CUL9: variants seen among roughly 807,000 people sequenced by gnomAD.
CUL9 encodes the protein cullin 9.
CUL9 carries 79 observed loss-of-function variants against 272.6 expected under a neutral mutation model. The observed-to-expected ratio is 0.29, with a 90% CI of 0.24 to 0.35. CUL9 has a LOEUF of 0.35. Among genes scored for constraint, CUL9 ranks in the 10% least tolerant of loss-of-function variants. The pLI is 1.00. For missense variants in CUL9, 2,532 were observed against 3,255.6 expected, an observed-to-expected ratio of 0.78 and a Z score of 5.41; for synonymous variants, 1,186 against 1,286.5, an observed-to-expected ratio of 0.92 and a Z score of 1.67.
Position 43,221,251 on chromosome 6 carries a change from C to G in CUL9, c.6682C>G (p.Leu2228Val), listed in dbSNP as rs1320900866. 2 of 1,611,714 alleles carry G rather than the reference C, an allele frequency of 1.2e-6. No homozygotes were observed. Among genetic ancestry groups the G allele is most frequent in the East Asian group, 2.2e-5 (1 of 44,878 alleles). ...GMSVEAQSKHLAKLISKRCPS... is the reference protein window; with the variant it reads ...GMSVEAQSKHVAKLISKRCPS... ...GAGCGTGGAGGCGCAGAGCAAGCAC[C>G]TGGCCAAGCTCATCTCCAAGCGCTG... Residue 2228 changes from leucine to valine, a missense_variant, in exon 34 of 41, where the codon CTG (leucine) becomes GTG (valine). This residue lies in a region of CUL9 where 77 missense variants were observed against 161.1 expected (regional missense o/e 0.48). Coordinates refer to ENST00000252050, the MANE Select transcript of CUL9 (RefSeq NM_015089.4). This position sits in a 1 kb window ranked among gnomAD's most constrained non-coding sequence, Gnocchi z 4.2.
intron 16 of CUL9, 27 bp from the exon 17 acceptor site, chr6:43,202,689 T>G: frequency 6.2e-7 from 1 of 1,605,090 alleles, no homozygotes; most frequent in Non-Finnish European, 8.5e-7. Context: ...AGGCCCAGCT[T>G]TGACTGTTTC....
chr6:43,191,252 TTGTG>T lies in CUL9; in HGVS notation c.2181-1712_2181-1709del, dbSNP rs58122260. 6.6e-3 allele frequency among the ~76,000 whole-genome samples: 840 copies of T among 127,010 alleles called. 6 individuals are homozygous for T. The highest frequency in any genetic ancestry group is 0.04 in the South Asian group (156 of 3,876). The allele number at this position is 127,010 out of a possible 152,430, so 83.3% of individuals were successfully genotyped here. On this transcript the variant is annotated intron_variant, in intron 8 of 40. Transcript: ENST00000252050. ...GATAGCCAGGTGTCTCTAAATTGCA[TTGTG>T]TGTGTGTGTGTGTGTGTGTGTGTGT...
In CUL9 at chr6:43,223,237, G is replaced by A. The variant is rs759794991; in HGVS notation, c.7151-27G>A. 1 of 1,574,380 alleles carries A rather than the reference G, an allele frequency of 6.4e-7. No homozygotes were observed. Among genetic ancestry groups the A allele is most frequent in the South Asian group, 1.2e-5 (1 of 86,598 alleles). On this transcript the variant is annotated intron_variant, in intron 38 of 40. Coordinates refer to ENST00000252050, the MANE Select transcript of CUL9 (RefSeq NM_015089.4). This position sits in a 1 kb window ranked among gnomAD's most constrained non-coding sequence, Gnocchi z 4.1. ...GAATGGATGAGAATGAGAAGGGAGG[G>A]AGCCTCTGTGCCTGCCCCCTCTGCA...
intron 11 of CUL9, among the ~76,000 whole-genome samples, chr6:43,197,686 G>C (rs556666612): frequency 1.3e-5 from 2 of 152,032 alleles, no homozygotes; most frequent in African/African-American, 4.8e-5. Flanking sequence ...GTTTCACCAT[G>C]TTGGTCAGGC....
chr6:43,205,948 G>A, intron 24 of CUL9, 59 bp from the exon 25 acceptor site: 2 of 1,484,144 alleles, frequency 1.3e-6, no homozygotes, highest in East Asian at 2.3e-5. Flanking sequence ...TTCTCGAGGG[G>A]GAGGCTGGGC....
intron 31 of CUL9, among the ~76,000 whole-genome samples, chr6:43,216,724 C>A (rs1343198012): frequency 6.6e-6 from 1 of 152,186 alleles, no homozygotes; most frequent in Non-Finnish European, 1.5e-5. Flanking sequence ...CGATATATAC[C>A]AATGGTGCTC....
intron 30 of CUL9, among the ~76,000 whole-genome samples, 157 bp from the exon 31 acceptor site, chr6:43,216,001 G>A (rs1039091028): frequency 1.3e-5 from 2 of 152,242 alleles, no homozygotes; most frequent in African/African-American, 4.8e-5. Context: ...TTCTGTGGAG[G>A]ATCTGCTCTG....
intron 8 of CUL9, among the ~76,000 whole-genome samples, chr6:43,190,155 T>C (rs1773322701): frequency 6.6e-6 from 1 of 152,224 alleles, no homozygotes; most frequent in African/African-American, 2.4e-5. Context: ...TTCTAACGCG[T>C]CTGTTTTTCC....
intron 26 of CUL9, chr6:43,212,876 A>C: frequency 2.6e-6 from 1 of 381,708 alleles, no homozygotes; most frequent in Non-Finnish European, 4.7e-6. Context: ...GCAAAATGCA[A>C]GTGTTTTCTC....
chr6:43,191,934 A>G (rs1773557812), intron 8 of CUL9, among the ~76,000 whole-genome samples: 1 of 149,882 alleles, frequency 6.7e-6, no homozygotes, highest in South Asian at 2.1e-4. Context: ...GCTGGCTTAT[A>G]CACCACCCTT....
intron 26 of CUL9, among the ~76,000 whole-genome samples, chr6:43,211,329 G>A (rs1013240362): frequency 7.0e-4 from 107 of 152,012 alleles, no homozygotes; most frequent in African/African-American, 2.4e-3. Flanking sequence ...AGGCTGAGGC[G>A]GACAGAGCAC....
chr6:43,189,241 G>A (rs1201133295), intron 8 of CUL9, among the ~76,000 whole-genome samples: 1 of 151,250 alleles, frequency 6.6e-6, no homozygotes, highest in East Asian at 1.9e-4. Flanking sequence ...TCATGCTGGA[G>A]TGCAGTGGCG....
chr6:43,222,252 C>A, intron 35 of CUL9, 64 bp from the exon 36 acceptor site: 1 of 1,364,680 alleles, frequency 7.3e-7, no homozygotes. Flanking sequence ...TTGGCTTTTC[C>A]ACTTATTAAC....
In CUL9 at chr6:43,224,381, A is replaced by C; in HGVS notation, c.7490A>C (p.Asn2497Thr). The change falls in exon 41 of 41, where the codon AAC (asparagine) becomes ACC (threonine). Residue 2497 changes from asparagine to threonine, a missense_variant. Asn to Thr is a moderately conservative substitution (Grantham distance 65). Coordinates refer to ENST00000252050, the MANE Select transcript of CUL9 (RefSeq NM_015089.4). The surrounding 1 kb of genome is among the most constrained non-coding windows in gnomAD (Gnocchi z 4.2). ...NDSFSYDESE[N>T]LDQETFFFGD... ...AGCTTCTCCTACGATGAGTCTGAGA[A>C]CCTGGACCAAGAGACTTTCTTCTTT... 1.2e-6 allele frequency: 2 copies of C among 1,614,200 alleles called. No homozygotes were observed. Among genetic ancestry groups the C allele is most frequent in the Non-Finnish European group, 1.7e-6 (2 of 1,180,028 alleles).
intron 7 of CUL9, 66 bp downstream of exon 7, chr6:43,188,184 T>C (rs1773097527): frequency 4.4e-6 from 7 of 1,578,462 alleles, no homozygotes; most frequent in Non-Finnish European, 6.0e-6. Flanking sequence ...AAGAAATGGA[T>C]AGTCAGGATC....
At chr6:43,211,474 C>A (rs62417518) in intron 26 of CUL9, among the ~76,000 whole-genome samples, 3,238 of 152,256 alleles carry the variant, frequency 0.021, 46 homozygotes, top group Non-Finnish European at 0.032. Context: ...AGGAGAATTG[C>A]TTGAACCTGG....
chr6:43,186,140 G>A lies in CUL9; in HGVS notation c.936G>A (p.Glu312=). The change falls in exon 4 of 41, where the codon GAG becomes GAA. Residue 312 remains glutamate, a synonymous_variant. Transcript: ENST00000252050. ...FSMAVGNLIS[E]LVRSMGWARN... ...TGGCTGTGGGCAACCTCATCTCTGA[G>A]CTTGTGCGGAGCATGGGCTGGGCCC... The A allele has an allele frequency of 6.2e-7, 1 of 1,614,238 alleles. No individual in the cohort carries two copies. Among genetic ancestry groups the A allele is most frequent in the Non-Finnish European group, 8.5e-7 (1 of 1,180,034 alleles).
At chr6:43,189,386 A>G (rs1351082717) in intron 8 of CUL9, among the ~76,000 whole-genome samples, 1 of 151,634 alleles carries the variant, frequency 6.6e-6, no homozygotes, top group African/African-American at 2.4e-5. Context: ...GGGTTTCATC[A>G]TGTTTGCCAG....
rs753427927 is a variant in CUL9, at chr6:43,213,617, C to T, written c.5488+50C>T. 3 of 1,603,368 alleles carry T rather than the reference C, an allele frequency of 1.9e-6. No homozygotes were observed. The highest frequency in any genetic ancestry group is 2.2e-5 in the East Asian group (1 of 44,678). On this transcript the variant is annotated intron_variant, in intron 28 of 40. Coordinates refer to ENST00000252050, the MANE Select transcript of CUL9 (RefSeq NM_015089.4). The surrounding 1 kb of genome is among the most constrained non-coding windows in gnomAD (Gnocchi z 5.7). Reference sequence around the variant, plus strand: ...GCCTCTGCTGCTGGTCGGGGGGTCGCCCTCAAGATGGGGGGACTGTGAGAA... The same window carrying T: ...GCCTCTGCTGCTGGTCGGGGGGTCGTCCTCAAGATGGGGGGACTGTGAGAA...
Sources: gnomAD v4.1 joint callset for allele counts (sites outside exome capture counted in the v4.1 genomes callset) on GRCh38, gnomAD v4.1.1 for gene constraint, gnomAD v4.1.1 regional missense constraint, Gnocchi (gnomAD v3.1) non-coding constraint, MANE v1.5 for transcripts, NCBI Gene and HGNC (gene_info 2026-07-23, HGNC 2026-07-21) for gene names.